The following CEP295 variants were observed in gnomAD, a reference collection of about 807,000 sequenced individuals.
CEP295 encodes centrosomal protein of 295 kDa.
In CEP295, 190 loss-of-function variants were observed where a neutral mutation model predicts 291.6. The observed-to-expected ratio is 0.65, with a 90% confidence interval of 0.58 to 0.73. CEP295 has a LOEUF of 0.73. Among genes scored for constraint, CEP295 ranks in the 30% least tolerant of loss-of-function variants. The pLI is 0.00. For synonymous variants in CEP295, 993 were observed against 1,038.8 expected (o/e 0.96, Z 0.85); for missense variants, 2,863 against 2,949.4 (o/e 0.97, Z 0.68).
chr11:93,669,226 G>T (rs1565428735), intron 4 of CEP295, among the ~76,000 whole-genome samples: 1 of 151,918 alleles, frequency 6.6e-6, no homozygotes, highest in African/African-American at 2.4e-5. Context: ...GTCTGTTTCC[G>T]ATGTAAACAT....
intron 6 of CEP295, among the ~76,000 whole-genome samples, chr11:93,677,396 C>T (rs1311378518): frequency 6.6e-6 from 1 of 152,014 alleles, no homozygotes; most frequent in Non-Finnish European, 1.5e-5. Flanking sequence ...TTTTTAATAT[C>T]CTGATAAAGT....
In CEP295 at chr11:93,679,364, T is replaced by C. The variant is rs116776176; in HGVS notation, c.625-48T>C. The C allele has an allele frequency of 2.6e-3, 3,907 of 1,502,142 alleles. 73 individuals are homozygous for C. The African/African-American group carries it at 0.048, about 18-fold the overall frequency. The allele number at this position is 1,502,142 out of a possible 1,614,324, so 93.1% of individuals were successfully genotyped here. A position where few individuals can be genotyped will look rare whatever the true frequency, so the allele number is the denominator to read the frequency against. Reference sequence around the variant, plus strand: ...GTTGTTTTGTTTTTTAGTTACTGCTTGTCTCACACTTTAAAAATTTTGCCT... The same window carrying C: ...GTTGTTTTGTTTTTTAGTTACTGCTCGTCTCACACTTTAAAAATTTTGCCT... On this transcript the variant is annotated intron_variant, in intron 6 of 29. Transcript: ENST00000325212.
intron 1 of CEP295, among the ~76,000 whole-genome samples, chr11:93,664,208 C>T (rs1012270983): frequency 6.6e-6 from 1 of 152,132 alleles, no homozygotes; most frequent in Non-Finnish European, 1.5e-5. Context: ...GAAGATTAAT[C>T]TTGTTCTTTT....
chr11:93,709,640 C>A (rs1039196755), intron 18 of CEP295, among the ~76,000 whole-genome samples: 2 of 151,948 alleles, frequency 1.3e-5, no homozygotes, highest in Non-Finnish European at 2.9e-5. Context: ...TTTTGTGGTT[C>A]CATATAAATT....
intron 5 of CEP295, among the ~76,000 whole-genome samples, chr11:93,675,111 C>T (rs775548069): frequency 6.6e-6 from 1 of 151,854 alleles, no homozygotes; most frequent in Non-Finnish European, 1.5e-5. Context: ...GTTTCAGGAC[C>T]AAAATTCAAA....
chr11:93,725,687 G>T lies in CEP295; in HGVS notation c.6355G>T (p.Gly2119Ter). The change falls in exon 23 of 30, where the codon GGA (glycine) becomes TGA (stop). Residue 2119 changes from glycine (G) to a stop codon, truncating the protein, a stop_gained. Coordinates refer to ENST00000325212, the MANE Select transcript of CEP295 (RefSeq NM_033395.2). LOFTEE classifies it high-confidence loss of function. ...TTCATCTGAAAGCCACTGTGCTACT[G>T]GATTATCCAAAAGTACAGTTTATTT... ...DSSSESHCAT[G>*]LSKSTVYFTA... is the part of the protein sequence containing the mutation. 1 of 1,550,528 alleles carries T rather than the reference G, an allele frequency of 6.4e-7. No individual in the cohort carries two copies. Among genetic ancestry groups the T allele is most frequent in the Non-Finnish European group, 8.7e-7 (1 of 1,146,806 alleles).
intron 14 of CEP295, 81 bp from the exon 15 acceptor site, chr11:93,696,601 G>A: frequency 1.5e-6 from 2 of 1,310,346 alleles, no homozygotes; most frequent in Non-Finnish European, 2.1e-6. Flanking sequence ...CTAGATTGCT[G>A]TTTGTTAAAT....
At chr11:93,662,224 C>A (rs191366629) in intron 1 of CEP295, among the ~76,000 whole-genome samples, 2 of 152,248 alleles carry the variant, frequency 1.3e-5, no homozygotes, top group South Asian at 4.1e-4. Context: ...AATCCTGTCA[C>A]AAACTCAACT....
intron 18 of CEP295, among the ~76,000 whole-genome samples, chr11:93,712,958 A>G (rs1182231483): frequency 7.3e-6 from 1 of 136,614 alleles, no homozygotes; most frequent in Non-Finnish European, 1.6e-5. Flanking sequence ...TTTTTTTTGT[A>G]TCTGTTGTAT....
chr11:93,688,305 T>C (rs1951346396), intron 10 of CEP295, among the ~76,000 whole-genome samples: 1 of 152,210 alleles, frequency 6.6e-6, no homozygotes, highest in Non-Finnish European at 1.5e-5. Context: ...TAGTTTCTTA[T>C]TTGCTAATTT....
rs192539591 is a variant in CEP295 at position 93,724,665 on chromosome 11, G to T, written c.6318+290G>T. ...ACCTGTAGTCCCAGCTACTCGGGAGGCTGAGGTGGGAGGACCACTTGAGCC... is the reference window on the plus strand; with the variant it reads ...ACCTGTAGTCCCAGCTACTCGGGAGTCTGAGGTGGGAGGACCACTTGAGCC... On this transcript the variant is annotated intron_variant, in intron 22 of 29. Coordinates refer to ENST00000325212, the MANE Select transcript of CEP295 (RefSeq NM_033395.2). Among the ~76,000 whole-genome samples, 6 of 152,206 alleles carry T rather than the reference G, an allele frequency of 3.9e-5. No homozygotes were observed. The East Asian group carries it at 1.2e-3, about 29-fold the overall frequency.
intron 15 of CEP295, among the ~76,000 whole-genome samples, 156 bp downstream of exon 15, chr11:93,700,342 A>G (rs1952072777): frequency 6.6e-6 from 1 of 152,224 alleles, no homozygotes; most frequent in Non-Finnish European, 1.5e-5. Context: ...AGTTAAAACA[A>G]AAATCGATCC....
intron 21 of CEP295, 71 bp from the exon 22 acceptor site, chr11:93,724,183 G>A: frequency 7.3e-7 from 1 of 1,364,824 alleles, no homozygotes; most frequent in Non-Finnish European, 1.0e-6. Context: ...TCCTTTTCTA[G>A]TGTTTACCTT....
At position 93,697,948 on chromosome 11, in the gene CEP295, A is replaced by G; in HGVS notation, c.3036A>G (p.Thr1012=). The G allele has an allele frequency of 3.9e-6, 6 of 1,551,712 alleles. No individual in the cohort carries two copies. The highest frequency in any genetic ancestry group is 5.2e-6 in the Non-Finnish European group (6 of 1,146,982). The change falls in exon 15 of 30, where the codon ACA becomes ACG. Residue 1012 remains threonine, a synonymous_variant. Transcript: ENST00000325212. ...HTFTSLPSAD[T]KSGKIQEQHS... ...TTACTTCACTACCATCTGCTGATACAAAATCTGGAAAAATACAGGAGCAAC... is the reference window on the plus strand; with the variant it reads ...TTACTTCACTACCATCTGCTGATACGAAATCTGGAAAAATACAGGAGCAAC...
At chr11:93,710,520 C>T (rs778665583) in intron 18 of CEP295, among the ~76,000 whole-genome samples, 4 of 151,946 alleles carry the variant, frequency 2.6e-5, no homozygotes, top group African/African-American at 7.3e-5. Context: ...TTGTTGAATT[C>T]GATTTGCTAG....
At chr11:93,711,822 G>GT (rs1952923489) in intron 18 of CEP295, among the ~76,000 whole-genome samples, 1 of 149,798 alleles carries the variant, frequency 6.7e-6, no homozygotes, top group African/African-American at 2.5e-5. Flanking sequence ...ATTTAAGTTT[G>GT]TTTGTTTTTT....
chr11:93,702,859 C>T lies in CEP295; in HGVS notation c.5536C>T (p.His1846Tyr). 1.3e-6 allele frequency: 2 copies of T among 1,551,580 alleles called. No individual in the cohort carries two copies. The highest frequency in any genetic ancestry group is 1.7e-6 in the Non-Finnish European group (2 of 1,146,784). The change falls in exon 17 of 30, where the codon CAT (histidine) becomes TAT (tyrosine). Residue 1846 changes from histidine (H) to tyrosine (Y), a missense_variant. Physicochemically the swap from His to Tyr is moderately conservative, Grantham distance 83. Coordinates refer to ENST00000325212, the MANE Select transcript of CEP295 (RefSeq NM_033395.2). ...KVKCGLDLNQ[H>Y]ELSAIQEVES... Reference sequence around the variant, plus strand: ...CAAATGTGGTTTGGACTTAAACCAGCATGAACTTAGTGCTATACAAGAAGT... The same window carrying T: ...CAAATGTGGTTTGGACTTAAACCAGTATGAACTTAGTGCTATACAAGAAGT...
chr11:93,691,560 C>T (rs977577137), intron 10 of CEP295, 123 bp from the exon 11 acceptor site: 14 of 629,290 alleles, frequency 2.2e-5, no homozygotes, highest in Admixed American at 6.6e-5. Context: ...GTTACTGGAT[C>T]TTAACTAGAT....
intron 10 of CEP295, 35 bp downstream of exon 10, chr11:93,687,900 C>T: frequency 1.4e-6 from 2 of 1,440,782 alleles, no homozygotes; most frequent in Non-Finnish European, 1.9e-6. Flanking sequence ...TTCTATAAAC[C>T]CTTTTAAGTT....
Sources: gnomAD v4.1 joint callset for allele counts (sites outside exome capture counted in the v4.1 genomes callset) on GRCh38, gnomAD v4.1.1 for gene constraint, MANE v1.5 for transcripts, NCBI Gene and HGNC (gene_info 2026-07-23, HGNC 2026-07-21) for gene names.